The following ISG20 variants were observed in gnomAD, a reference collection of about 807,000 sequenced individuals.
The protein encoded by ISG20 is interferon stimulated exonuclease gene 20.
A neutral mutation model predicts 11.1 loss-of-function variants in ISG20; 8 were observed. The ratio of observed to expected loss-of-function variants is 0.72; its 90% CI spans 0.42 to 1.30. ISG20 has a LOEUF of 1.30. ISG20 is among the 50% of genes most tolerant of loss of function. The probability of loss-of-function intolerance (pLI) is 0.01; values close to 1 mark genes in which losing one functional copy is unlikely to be tolerated. For missense variants in ISG20, 243 were observed against 250.2 expected, an observed-to-expected ratio of 0.97 and a Z score of 0.19; for synonymous variants, 110 against 101.7, an observed-to-expected ratio of 1.08 and a Z score of -0.49.
rs762736382 is a variant in ISG20, at chr15:88,639,833, T to A, written c.228+239T>A. ...GGCATCTATCTGGATCTGGTCCAAC[T>A]TGCCGGTCTTAAAATGGGGAAACTG... is the stretch of plus-strand genomic sequence containing the variant. On this transcript the variant is annotated intron_variant, in intron 2 of 3. Transcript: ENST00000306072. This position sits in a 1 kb window ranked among gnomAD's most constrained non-coding sequence, Gnocchi z 4.2. 3.9e-5 allele frequency among the ~76,000 whole-genome samples: 6 copies of A among 152,206 alleles called. No homozygotes were observed. The highest frequency in any genetic ancestry group is 7.3e-5 in the Non-Finnish European group (5 of 68,030).
At position 88,643,801 on chromosome 15, in the gene ISG20, G is replaced by T. The variant is rs1354994216; in HGVS notation, c.228+4207G>T. Among the ~76,000 whole-genome samples the T allele has an allele frequency of 6.6e-6, 1 of 152,188 alleles. No individual in the cohort carries two copies. Among genetic ancestry groups the T allele is most frequent in the Non-Finnish European group, 1.5e-5 (1 of 68,040 alleles). On this transcript the variant is annotated intron_variant, in intron 2 of 3. Transcript: ENST00000306072. This position sits in a 1 kb window ranked among gnomAD's most constrained non-coding sequence, Gnocchi z 4.4. ...TTGAGTAGCCCTTATCTGAAATGCT[G>T]GGGACCAGAAGGGTTTTGGATTTTG...
chr15:88,655,509 C>T lies in ISG20; in HGVS notation c.524C>T (p.Pro175Leu). 6.2e-7 allele frequency: 1 copy of T among 1,613,826 alleles called. No homozygotes were observed. Among genetic ancestry groups the T allele is most frequent in the Non-Finnish European group, 8.5e-7 (1 of 1,179,994 alleles). Residue 175 changes from proline (P) to leucine (L), a missense_variant, in exon 4 of 4, where the codon CCC (proline) becomes CTC (leucine). Transcript: ENST00000306072. ...SQRIRARRGL[P>L]RLAVSD ...AGAATCCGAGCCCGCCGAGGGCTGC[C>T]CCGCCTGGCTGTGTCAGACTGAAGC...
At chr15:88,651,184 T>C (rs965515134) in intron 2 of ISG20, 22 of 984,938 alleles carry the variant, frequency 2.2e-5, no homozygotes, top group Middle Eastern at 5.2e-4. Flanking sequence ...TCAAGGAATT[T>C]GCAAACTTGT....
intron 2 of ISG20, chr15:88,648,283 G>C (rs916589399): frequency 2.6e-5 from 4 of 152,326 alleles, no homozygotes; most frequent in African/African-American, 9.6e-5. Flanking sequence ...TCAGTGCAGA[G>C]ATGTGCAGAC....
chr15:88,651,708 T>C (rs562616559), intron 2 of ISG20: 7 of 870,528 alleles, frequency 8.0e-6, no homozygotes, highest in Non-Finnish European at 9.8e-6. Flanking sequence ...GGTAATGCAT[T>C]CACAGATCCT....
chr15:88,653,949 ACAGT>A (rs2058331390), intron 3 of ISG20, among the ~76,000 whole-genome samples: 2 of 152,196 alleles, frequency 1.3e-5, no homozygotes, highest in Non-Finnish European at 2.9e-5. Flanking sequence ...GGTGCTGGGC[ACAGT>A]TCTCTCATTC....
chr15:88,640,775 G>C (rs1467141845), intron 2 of ISG20, among the ~76,000 whole-genome samples: 1 of 151,752 alleles, frequency 6.6e-6, no homozygotes, highest in Non-Finnish European at 1.5e-5. Flanking sequence ...ACCATCCTGG[G>C]CAACATGGAG....
At chr15:88,638,129 C>A (rs190266554), upstream of ISG20, among the ~76,000 whole-genome samples, 11 of 152,200 alleles carry the variant, frequency 7.2e-5, no homozygotes, top group Non-Finnish European at 1.3e-4. Flanking sequence ...CACTGGGAGG[C>A]AGTCAGATTG....
At chr15:88,640,328 C>G (rs1047136657) in intron 2 of ISG20, among the ~76,000 whole-genome samples, 1 of 152,164 alleles carries the variant, frequency 6.6e-6, no homozygotes, top group Non-Finnish European at 1.5e-5. Flanking sequence ...CCAATCCGTG[C>G]CAGGCTCCAG....
chr15:88,641,268 A>G (rs1221674325), intron 2 of ISG20, among the ~76,000 whole-genome samples: 3 of 152,140 alleles, frequency 2.0e-5, no homozygotes, highest in Non-Finnish European at 2.9e-5. Context: ...CCAAAGTCCC[A>G]GGCATGAGCC....
chr15:88,652,850 T>C (rs894060909), intron 3 of ISG20, among the ~76,000 whole-genome samples: 2 of 150,742 alleles, frequency 1.3e-5, no homozygotes, highest in Non-Finnish European at 3.0e-5. Context: ...TGGGCAATGA[T>C]GTAAAGCACA....
At chr15:88,646,387 C>CT (rs1346068301) in intron 2 of ISG20, among the ~76,000 whole-genome samples, 10 of 152,232 alleles carry the variant, frequency 6.6e-5, no homozygotes, top group Non-Finnish European at 1.5e-4. Flanking sequence ...GACTCAGATT[C>CT]TGGCTCCTGA....
At chr15:88,652,829 C>A (rs1386166715) in intron 3 of ISG20, among the ~76,000 whole-genome samples, 1 of 150,946 alleles carries the variant, frequency 6.6e-6, no homozygotes, top group African/African-American at 2.4e-5. Flanking sequence ...CTTGCTCCCA[C>A]CATAGAACTC....
At chr15:88,638,364 T>C (rs538092217), upstream of ISG20, among the ~76,000 whole-genome samples, 1 of 152,348 alleles carries the variant, frequency 6.6e-6, no homozygotes, top group South Asian at 2.1e-4. Context: ...TGGGAGAGTG[T>C]GGACCCAAGG....
Position 88,656,051 on chromosome 15 carries a change from A to G in ISG20, c.*520A>G, listed in dbSNP as rs1418632921. 1 of 152,598 alleles carries G rather than the reference A, an allele frequency of 6.6e-6. No individual in the cohort carries two copies. Among genetic ancestry groups the G allele is most frequent in the African/African-American group, 2.4e-5 (1 of 41,462 alleles). The allele number at this position is 152,598 out of a possible 1,614,324, so 9.5% of individuals were successfully genotyped here. A position where few individuals can be genotyped will look rare whatever the true frequency, so the allele number is the denominator to read the frequency against. ...TCCTATTTGTAAAATGAGGAAGGAAAGGTAACAAACTGTGGAGTCAGAGAG... is the reference window on the plus strand; with the variant it reads ...TCCTATTTGTAAAATGAGGAAGGAAGGGTAACAAACTGTGGAGTCAGAGAG... On this transcript the variant is annotated 3_prime_UTR_variant, in exon 4 of 4. Transcript: ENST00000306072.
At position 88,642,846 on chromosome 15, in the gene ISG20, C is replaced by T. The variant is rs139641844; in HGVS notation, c.228+3252C>T. On this transcript the variant is annotated intron_variant, in intron 2 of 3. Coordinates refer to ENST00000306072, the MANE Select transcript of ISG20 (RefSeq NM_002201.6). The stretch of plus-strand genomic sequence containing the variant: ...TGCCAGGCTGGTCTCGAATGCCTCA[C>T]CTCAAGTGATCCACCCACCTCAGCC... 7.4e-3 allele frequency among the ~76,000 whole-genome samples: 1,130 copies of T among 152,216 alleles called. 12 individuals carry two copies. The highest frequency in any genetic ancestry group is 0.024 in the African/African-American group (1,014 of 41,570).
intron 3 of ISG20, among the ~76,000 whole-genome samples, chr15:88,654,800 G>A (rs1404172806): frequency 1.3e-5 from 2 of 152,050 alleles, no homozygotes; most frequent in Admixed American, 6.5e-5. Flanking sequence ...TGAATGGACC[G>A]AGGGCCCCCG....
rs1343459489 is a variant in ISG20 at position 88,652,217 on chromosome 15, T to A, written c.336T>A (p.Thr112=). Residue 112 remains threonine (T), a synonymous_variant, in exon 3 of 4, where the codon ACT becomes ACA. Coordinates refer to ENST00000306072, the MANE Select transcript of ISG20 (RefSeq NM_002201.6). ...GCTACACAATCTACGACACGTCCAC[T>A]GACAGGCTGTTGTGGCGTGAGGCCA... ...MSGYTIYDTS[T]DRLLWREAKL... The A allele has an allele frequency of 6.2e-7, 1 of 1,613,940 alleles. No homozygotes were observed.
At chr15:88,638,996 A>G, upstream of ISG20, 1 of 297,800 alleles carries the variant, frequency 3.4e-6, no homozygotes, top group African/African-American at 2.1e-5. Context: ...GTTAGAGATG[A>G]GTCACCGCTG....
Sources: gnomAD v4.1 joint callset for allele counts (sites outside exome capture counted in the v4.1 genomes callset) on GRCh38, gnomAD v4.1.1 for gene constraint, Gnocchi (gnomAD v3.1) non-coding constraint, MANE v1.5 for transcripts, NCBI Gene and HGNC (gene_info 2026-07-23, HGNC 2026-07-21) for gene names.